The following HDLBP variants were observed in gnomAD, a reference collection of about 807,000 sequenced individuals.
HDLBP encodes high density lipoprotein binding protein, also known as vigilin.
In HDLBP, 30 loss-of-function variants were observed where a neutral mutation model predicts 137.3. The observed-to-expected ratio is 0.22, with a 90% CI of 0.16 to 0.30. HDLBP has a LOEUF of 0.30. Ranked by LOEUF, HDLBP falls within the 10% of genes least tolerant of loss-of-function variation. HDLBP has a pLI of 1.00. For missense variants in HDLBP, 1,119 were observed against 1,667.3 expected (o/e 0.67, Z 5.73); for synonymous variants, 606 against 596.0 (o/e 1.02, Z -0.24).
rs1281181530 is a variant in HDLBP at position 241,256,463 on chromosome 2, C to T, written c.658-64G>A. 5 of 1,520,426 alleles carry T rather than the reference C, an allele frequency of 3.3e-6. No individual in the cohort carries two copies. The Admixed American group carries it at 7.1e-5, about 22-fold the overall frequency. The allele number at this position is 1,520,426 out of a possible 1,614,324, so 94.2% of individuals were successfully genotyped here. On this transcript the variant is annotated intron_variant, in intron 6 of 27. Transcript: ENST00000310931. ...GAAAACAAACTGGGGACAGACAGGG[C>T]TTTTTAGAGTTGGAGTCAAGCCCTC...
intron 14 of HDLBP, chr2:241,247,531 C>T (rs2071776086): frequency 1.4e-5 from 4 of 284,556 alleles, no homozygotes; most frequent in Non-Finnish European, 2.7e-5. Context: ...CCCAGGGCAG[C>T]CATCAGCTAA....
intron 1 of HDLBP, among the ~76,000 whole-genome samples, chr2:241,307,323 G>GTTGACTT (rs1480924368): frequency 7.2e-5 from 11 of 152,242 alleles, no homozygotes; most frequent in African/African-American, 2.7e-4. Context: ...CTTGCTGACT[G>GTTGACTT]TTGACTTTGA....
At chr2:241,309,527 G>GT (rs1168643202) in intron 1 of HDLBP, among the ~76,000 whole-genome samples, 1 of 152,226 alleles carries the variant, frequency 6.6e-6, no homozygotes, top group Non-Finnish European at 1.5e-5. Context: ...GCTGAATCCT[G>GT]TATCGGCAAT....
chr2:241,304,290 C>T (rs1339729530), intron 1 of HDLBP, among the ~76,000 whole-genome samples: 2 of 152,212 alleles, frequency 1.3e-5, no homozygotes, highest in Non-Finnish European at 2.9e-5. Flanking sequence ...AATGGCTTCA[C>T]GTGTAACCCA....
intron 1 of HDLBP, among the ~76,000 whole-genome samples, chr2:241,296,203 T>G (rs1469337985): frequency 3.3e-5 from 5 of 152,152 alleles, no homozygotes; most frequent in Admixed American, 3.3e-4. Flanking sequence ...AAGAGGCACT[T>G]GATGCATGAA....
intron 1 of HDLBP, among the ~76,000 whole-genome samples, chr2:241,291,818 C>T (rs2075021122): frequency 6.6e-6 from 1 of 152,110 alleles, no homozygotes; most frequent in Non-Finnish European, 1.5e-5. Context: ...CACAAGTGTC[C>T]TTTAGATCAT....
intron 24 of HDLBP, 123 bp from the exon 25 acceptor site, chr2:241,231,067 C>G: frequency 1.2e-6 from 1 of 819,118 alleles, no homozygotes; most frequent in Admixed American, 2.4e-5. Context: ...AACGTCACGG[C>G]TGATTTAAAA....
intron 27 of HDLBP, 21 bp downstream of exon 27, chr2:241,229,812 G>A (rs1320102841): frequency 6.9e-7 from 1 of 1,450,128 alleles, no homozygotes. Flanking sequence ...GGACCCAGGA[G>A]GGCAGAAGCC....
intron 5 of HDLBP, among the ~76,000 whole-genome samples, chr2:241,261,194 CAA>C (rs5839776): frequency 4.7e-5 from 5 of 106,632 alleles, no homozygotes; most frequent in Admixed American, 1.1e-4. Context: ...GATCCTGTCT[CAA>C]AAAAAAAAAA....
Position 241,256,630 on chromosome 2 carries a change from G to A in HDLBP, c.627C>T (p.Arg209=). ...CGGCAGAGATGAGTAAGACTTCATG[G>A]CGAGCTTTCTCGATGCCCTCTTTGG... ...TGTKEGIEKA[R]HEVLLISAEQ... is the part of the protein sequence containing the mutation. Residue 209 remains arginine, a synonymous_variant, in exon 6 of 28, where the codon CGC becomes CGT. Coordinates refer to ENST00000310931, the MANE Select transcript of HDLBP (RefSeq NM_005336.6). The A allele has an allele frequency of 1.2e-6, 2 of 1,614,178 alleles. No individual in the cohort carries two copies. Among genetic ancestry groups the A allele is most frequent in the Non-Finnish European group, 1.7e-6 (2 of 1,180,040 alleles).
chr2:241,307,776 G>A (rs1009483878), intron 1 of HDLBP, among the ~76,000 whole-genome samples: 1 of 151,988 alleles, frequency 6.6e-6, no homozygotes, highest in Non-Finnish European at 1.5e-5. Context: ...CCATCTTTCC[G>A]AGTACCAAAT....
At chr2:241,290,739 A>T (rs142080729) in intron 1 of HDLBP, among the ~76,000 whole-genome samples, 1 of 152,232 alleles carries the variant, frequency 6.6e-6, no homozygotes, top group Non-Finnish European at 1.5e-5. Flanking sequence ...TAAAAAGTGC[A>T]TGTTTATTAT....
At chr2:241,299,035 C>A (rs1339522397) in intron 1 of HDLBP, among the ~76,000 whole-genome samples, 2 of 152,028 alleles carry the variant, frequency 1.3e-5, no homozygotes, top group Middle Eastern at 3.2e-3. Flanking sequence ...GGCTGTATTG[C>A]GGTTAAGGAG....
At position 241,247,070 on chromosome 2, in the gene HDLBP, C is replaced by A; in HGVS notation, c.1804G>T (p.Ala602Ser). 6.2e-7 allele frequency: 1 copy of A among 1,610,622 alleles called. No individual in the cohort carries two copies. Reference protein sequence around the residue: ...FHKNIIGKGGANIKKIREESN... With the variant: ...FHKNIIGKGGSNIKKIREESN... ...CAAGTTATCACCTTTTTAATGTTTG[C>A]GCCTCCTTTCCCAATGATATTCTTG... The change falls in exon 15 of 28, where the codon GCA becomes TCA. Residue 602 changes from alanine to serine, a missense_variant. Physicochemically the swap from Ala to Ser is moderately conservative, Grantham distance 99. Transcript: ENST00000310931.
chr2:241,294,630 T>C (rs78379603), intron 1 of HDLBP, among the ~76,000 whole-genome samples: 2,473 of 152,156 alleles, frequency 0.016, 44 homozygotes, highest in African/African-American at 0.044. Context: ...CAACTAATTT[T>C]TTCTCCAAGA....
intron 2 of HDLBP, among the ~76,000 whole-genome samples, chr2:241,268,200 C>G (rs1163413055): frequency 6.6e-6 from 1 of 152,060 alleles, no homozygotes; most frequent in Non-Finnish European, 1.5e-5. Context: ...GAAGCAAGAC[C>G]CCAATTCAGA....
chr2:241,306,889 T>TAA (rs759322405), intron 1 of HDLBP, among the ~76,000 whole-genome samples: 3 of 68,886 alleles, frequency 4.4e-5, no homozygotes, highest in Non-Finnish European at 3.2e-5. Flanking sequence ...CTCAATAAAT[T>TAA]AAAAAAAAAA....
intron 1 of HDLBP, among the ~76,000 whole-genome samples, chr2:241,281,794 G>C (rs903346037): frequency 2.0e-5 from 3 of 152,240 alleles, no homozygotes; most frequent in Non-Finnish European, 4.4e-5. Flanking sequence ...ATCTTACATT[G>C]GGTGAAACAA....
chr2:241,236,649 T>C lies in HDLBP; in HGVS notation c.2870A>G (p.Lys957Arg). Reference protein sequence around the residue: ...RCDIIIISGRKEKCEAAKEAL... With the variant: ...RCDIIIISGRREKCEAAKEAL... ...TTCCTTGGCAGCCTCACACTTTTCT[T>C]TCCGGCCAGAGATGATGATGATGTC... is the stretch of plus-strand genomic sequence containing the variant. Residue 957 changes from lysine (K) to arginine (R), a missense_variant, in exon 21 of 28, where the codon AAA (lysine) becomes AGA (arginine). Lys to Arg is a conservative substitution (Grantham distance 26, BLOSUM62 2). Transcript: ENST00000310931. 4 of 1,614,068 alleles carry C rather than the reference T, an allele frequency of 2.5e-6. No homozygotes were observed. Among genetic ancestry groups the C allele is most frequent in the African/African-American group, 1.3e-5 (1 of 75,022 alleles).
Sources: allele counts gnomAD v4.1 joint callset (sites outside exome capture counted in the v4.1 genomes callset), GRCh38; gene constraint gnomAD v4.1.1; transcripts MANE v1.5; gene names NCBI Gene and HGNC (gene_info 2026-07-23, HGNC 2026-07-21).